The following SUPT3H variants were observed in gnomAD, a reference collection of about 807,000 sequenced individuals.
The protein encoded by SUPT3H is transcription initiation protein SPT3 homolog.
A neutral mutation model predicts 44.3 loss-of-function variants in SUPT3H; 44 were observed. The observed-to-expected ratio is 0.99, with a 90% CI of 0.78 to 1.28. The LOEUF (loss-of-function observed/expected upper bound fraction) is 1.28. SUPT3H is among the 50% of genes most tolerant of loss of function. SUPT3H has a pLI of 0.00. For synonymous variants in SUPT3H, 124 were observed against 125.6 expected, an observed-to-expected ratio of 0.99 and a Z score of 0.09; for missense variants, 380 against 387.1, an observed-to-expected ratio of 0.98 and a Z score of 0.15.
At chr6:44,932,949 C>T (rs1770827856) in intron 9 of SUPT3H, among the ~76,000 whole-genome samples, 186 bp from the exon 10 acceptor site, 1 of 152,034 alleles carries the variant, frequency 6.6e-6, no homozygotes, top group Non-Finnish European at 1.5e-5. Context: ...TTTACATGAC[C>T]CCTTTCTAGC....
At chr6:45,232,723 C>A (rs749711005) in intron 2 of SUPT3H, among the ~76,000 whole-genome samples, 10 of 152,118 alleles carry the variant, frequency 6.6e-5, no homozygotes, top group Non-Finnish European at 1.5e-4. Flanking sequence ...GTCCCAGACA[C>A]ACAACTCTCA....
At chr6:44,889,305 C>T (rs1349511343) in intron 10 of SUPT3H, among the ~76,000 whole-genome samples, 1 of 152,198 alleles carries the variant, frequency 6.6e-6, no homozygotes, top group Non-Finnish European at 1.5e-5. Flanking sequence ...GCCCGCATCA[C>T]CAAGTCAATC....
chr6:45,217,269 G>A (rs981695429), intron 2 of SUPT3H, among the ~76,000 whole-genome samples: 8 of 152,038 alleles, frequency 5.3e-5, no homozygotes, highest in African/African-American at 1.9e-4. Flanking sequence ...AAGGTCAGGA[G>A]TCCAAGACCA....
At chr6:45,204,545 C>G (rs1008480198) in intron 2 of SUPT3H, among the ~76,000 whole-genome samples, 3 of 152,164 alleles carry the variant, frequency 2.0e-5, no homozygotes, top group Admixed American at 2.0e-4. Context: ...ATGCTCGTTC[C>G]TTCCACATAT....
intron 5 of SUPT3H, among the ~76,000 whole-genome samples, chr6:45,013,800 A>G (rs1486006709): frequency 6.6e-6 from 1 of 152,078 alleles, no homozygotes; most frequent in Non-Finnish European, 1.5e-5. Context: ...GCCCTAGAAT[A>G]AGAACTGGAG....
chr6:45,342,203 CTT>C (rs1298102973), intron 2 of SUPT3H, among the ~76,000 whole-genome samples: 4 of 151,960 alleles, frequency 2.6e-5, no homozygotes, highest in Non-Finnish European at 5.9e-5. Flanking sequence ...AATGAGTTCT[CTT>C]TGTCACTACA....
At chr6:44,994,594 C>G (rs916678930) in intron 6 of SUPT3H, among the ~76,000 whole-genome samples, 1 of 152,086 alleles carries the variant, frequency 6.6e-6, no homozygotes, top group Non-Finnish European at 1.5e-5. Context: ...ACATTTCATC[C>G]TACTAGCTAC....
chr6:45,343,757 T>C (rs1790302495), intron 2 of SUPT3H, among the ~76,000 whole-genome samples: 1 of 152,318 alleles, frequency 6.6e-6, no homozygotes, highest in Non-Finnish European at 1.5e-5. Context: ...CTGAGACAGC[T>C]ATCCAGTAGC....
At chr6:45,148,545 G>A (rs1258744725) in intron 2 of SUPT3H, among the ~76,000 whole-genome samples, 1 of 152,128 alleles carries the variant, frequency 6.6e-6, no homozygotes, top group East Asian at 1.9e-4. Flanking sequence ...GACACCAAAA[G>A]CACACGCTCA....
At chr6:44,913,975 A>G (rs545438624) in intron 10 of SUPT3H, among the ~76,000 whole-genome samples, 1 of 152,268 alleles carries the variant, frequency 6.6e-6, no homozygotes, top group South Asian at 2.1e-4. Context: ...ATAGCTCATA[A>G]AATAGTCACA....
At chr6:45,079,577 G>A (rs1463184774) in intron 3 of SUPT3H, among the ~76,000 whole-genome samples, 1 of 152,120 alleles carries the variant, frequency 6.6e-6, no homozygotes, top group East Asian at 1.9e-4. Flanking sequence ...AACCAAAACT[G>A]TATGGTGTTG....
intron 2 of SUPT3H, among the ~76,000 whole-genome samples, chr6:45,142,736 C>CAAAAAAAAAAAAAAAAAAAAAAAAAA (rs70993502): frequency 6.7e-5 from 1 of 14,960 alleles, no homozygotes; most frequent in Non-Finnish European, 1.1e-4. Context: ...AACTCCGTCT[C>CAAAAAAAAAAAAAAAAAAAAAAAAAA]AAAAAAAAAA....
At chr6:45,299,190 A>C (rs1781755141) in intron 2 of SUPT3H, among the ~76,000 whole-genome samples, 1 of 125,080 alleles carries the variant, frequency 8.0e-6, no homozygotes, top group Non-Finnish European at 1.9e-5. Context: ...TACTGAAAGT[A>C]CAAAAAAAAA....
intron 2 of SUPT3H, among the ~76,000 whole-genome samples, chr6:45,119,095 T>A (rs1474380566): frequency 1.3e-5 from 2 of 152,186 alleles, no homozygotes; most frequent in Non-Finnish European, 2.9e-5. Context: ...TCTAATCTAC[T>A]GTCATAGACA....
At chr6:45,326,020 A>G (rs1274937535) in intron 2 of SUPT3H, among the ~76,000 whole-genome samples, 1 of 151,878 alleles carries the variant, frequency 6.6e-6, no homozygotes, top group East Asian at 1.9e-4. Context: ...AATATCTACT[A>G]AACTCTCAAA....
downstream of SUPT3H, among the ~76,000 whole-genome samples, chr6:44,825,445 G>A (rs556398362): frequency 8.5e-5 from 13 of 152,260 alleles, no homozygotes; most frequent in African/African-American, 3.1e-4. Flanking sequence ...TACAGTCCAC[G>A]TTGTGTAACA....
chr6:45,288,547 GTATA>G (rs58524677), intron 2 of SUPT3H, among the ~76,000 whole-genome samples: 8 of 126,742 alleles, frequency 6.3e-5, no homozygotes, highest in South Asian at 2.7e-4. Flanking sequence ...GTGTGTGTGT[GTATA>G]TATATATATA....
At chr6:45,328,878 A>G in intron 2 of SUPT3H, 4 of 1,283,760 alleles carry the variant, frequency 3.1e-6, no homozygotes, top group Non-Finnish European at 4.5e-6. Flanking sequence ...TCCAAATAGC[A>G]TATTAAAGAT....
chr6:45,150,813 G>C (rs1318907628), intron 2 of SUPT3H, among the ~76,000 whole-genome samples: 1 of 140,064 alleles, frequency 7.1e-6, no homozygotes. Flanking sequence ...ACCTCCGCCT[G>C]CCATGTTCAA....
Sources: allele counts gnomAD v4.1 joint callset (sites outside exome capture counted in the v4.1 genomes callset), GRCh38; gene constraint gnomAD v4.1.1; transcripts MANE v1.5; gene names NCBI Gene and HGNC (gene_info 2026-07-23, HGNC 2026-07-21).